ATP6V1H: variants seen among roughly 807,000 people sequenced by gnomAD.
ATP6V1H encodes ATPase H+ transporting V1 subunit H.
A neutral mutation model predicts 71.7 loss-of-function variants in ATP6V1H; 39 were observed. The observed-to-expected ratio is 0.54, with a 90% CI of 0.42 to 0.71. The LOEUF (loss-of-function observed/expected upper bound fraction) is 0.71, where lower values mean the gene tolerates loss of function less well. Ranked by LOEUF, ATP6V1H falls within the 30% of genes least tolerant of loss-of-function variation. ATP6V1H has a pLI of 0.00. For synonymous variants in ATP6V1H, 192 were observed against 199.3 expected, an observed-to-expected ratio of 0.96 and a Z score of 0.31; for missense variants, 509 against 594.9, an observed-to-expected ratio of 0.86 and a Z score of 1.50.
chr8:53,718,251 C>A (rs1354611540), intron 13 of ATP6V1H, among the ~76,000 whole-genome samples: 1 of 152,220 alleles, frequency 6.6e-6, no homozygotes, highest in Non-Finnish European at 1.5e-5. Flanking sequence ...GACAGTAAAA[C>A]CTAGCACAGG....
chr8:53,813,708 T>A (rs1012224231), intron 6 of ATP6V1H, among the ~76,000 whole-genome samples: 2 of 152,154 alleles, frequency 1.3e-5, no homozygotes, highest in Non-Finnish European at 2.9e-5. Flanking sequence ...TTTTGCCCTG[T>A]TCTGAGGAAA....
intron 12 of ATP6V1H, among the ~76,000 whole-genome samples, chr8:53,753,447 T>C (rs1401953167): frequency 6.6e-6 from 1 of 152,180 alleles, no homozygotes; most frequent in African/African-American, 2.4e-5. Context: ...AACAGGGCAG[T>C]AGAGCAGAAT....
intron 4 of ATP6V1H, among the ~76,000 whole-genome samples, chr8:53,822,538 GACAGAAAA>G (rs1360018949): frequency 2.0e-5 from 3 of 151,910 alleles, no homozygotes; most frequent in African/African-American, 7.2e-5. Flanking sequence ...CAACAGAACA[GACAGAAAA>G]CTTCCTAAAT....
chr8:53,777,396 T>A (rs772086455), intron 9 of ATP6V1H, among the ~76,000 whole-genome samples: 3 of 151,204 alleles, frequency 2.0e-5, no homozygotes, highest in African/African-American at 7.3e-5. Flanking sequence ...ACGATGGAGA[T>A]GATTTTGCTG....
chr8:53,801,579 A>T (rs1474562066), intron 8 of ATP6V1H, among the ~76,000 whole-genome samples: 2 of 152,210 alleles, frequency 1.3e-5, no homozygotes, highest in African/African-American at 4.8e-5. Context: ...GTTAAGCATT[A>T]GGTTCTTAAG....
chr8:53,764,338 A>G (rs1808375205), intron 11 of ATP6V1H, among the ~76,000 whole-genome samples: 1 of 152,220 alleles, frequency 6.6e-6, no homozygotes. Flanking sequence ...ACTATGACCA[A>G]ACAGGATTGA....
chr8:53,760,557 C>T (rs900700215), intron 11 of ATP6V1H, among the ~76,000 whole-genome samples: 6 of 152,098 alleles, frequency 3.9e-5, no homozygotes, highest in Admixed American at 2.6e-4. Context: ...TTTAATAAGC[C>T]TTCACTTCTG....
chr8:53,762,942 C>T (rs949052010), intron 11 of ATP6V1H, among the ~76,000 whole-genome samples: 18 of 152,212 alleles, frequency 1.2e-4, no homozygotes, highest in Non-Finnish European at 2.4e-4. Flanking sequence ...CAATGATCCA[C>T]TTCCACTTAA....
intron 2 of ATP6V1H, among the ~76,000 whole-genome samples, chr8:53,834,329 T>C (rs1011935421): frequency 3.9e-5 from 6 of 152,210 alleles, no homozygotes; most frequent in African/African-American, 1.4e-4. Flanking sequence ...GAAAAAGCAC[T>C]CGCTGTATAT....
At chr8:53,770,583 G>C (rs988381416) in intron 10 of ATP6V1H, among the ~76,000 whole-genome samples, 2 of 152,174 alleles carry the variant, frequency 1.3e-5, no homozygotes, top group African/African-American at 4.8e-5. Context: ...GGGCCAGTTA[G>C]TATAAGAAGT....
At chr8:53,760,856 A>G (rs1486824681) in intron 11 of ATP6V1H, among the ~76,000 whole-genome samples, 1 of 152,188 alleles carries the variant, frequency 6.6e-6, no homozygotes, top group Non-Finnish European at 1.5e-5. Flanking sequence ...TAAAACAGAA[A>G]TCAGCTACAC....
intron 7 of ATP6V1H, among the ~76,000 whole-genome samples, chr8:53,807,672 G>A (rs1810129757): frequency 6.6e-6 from 1 of 152,178 alleles, no homozygotes. Flanking sequence ...GACTGTTAAT[G>A]TGTACAGGGT....
At chr8:53,783,497 T>G (rs940883246) in intron 9 of ATP6V1H, among the ~76,000 whole-genome samples, 1 of 152,230 alleles carries the variant, frequency 6.6e-6, no homozygotes, top group South Asian at 2.1e-4. Flanking sequence ...AGCCAGCTCC[T>G]GGATTCATTG....
At chr8:53,758,834 T>C (rs1223818617) in intron 11 of ATP6V1H, among the ~76,000 whole-genome samples, 1 of 152,278 alleles carries the variant, frequency 6.6e-6, no homozygotes, top group East Asian at 1.9e-4. Context: ...GTTTACTTGG[T>C]GTCCATAGCT....
intron 13 of ATP6V1H, among the ~76,000 whole-genome samples, chr8:53,723,646 C>T (rs1453654688): frequency 6.6e-6 from 1 of 152,208 alleles, no homozygotes; most frequent in Non-Finnish European, 1.5e-5. Context: ...GGGTGAGGAT[C>T]TCCCTACCTG....
chr8:53,730,821 C>T (rs1585723632), intron 13 of ATP6V1H, among the ~76,000 whole-genome samples: 2 of 152,092 alleles, frequency 1.3e-5, no homozygotes, highest in East Asian at 3.9e-4. Flanking sequence ...TTCCCTTTTC[C>T]ACCTCAACCA....
At chr8:53,745,877 C>T (rs1377656751) in intron 12 of ATP6V1H, among the ~76,000 whole-genome samples, 20 of 152,346 alleles carry the variant, frequency 1.3e-4, no homozygotes, top group Admixed American at 1.2e-3. Flanking sequence ...CACCACTCTA[C>T]ACATGTCCAT....
chr8:53,763,605 T>G (rs1161373266), intron 11 of ATP6V1H, among the ~76,000 whole-genome samples: 1 of 152,226 alleles, frequency 6.6e-6, no homozygotes, highest in Admixed American at 6.5e-5. Flanking sequence ...GGGACCCAGA[T>G]AGCCAAAATC....
At chr8:53,760,420 C>T (rs1233977910) in intron 11 of ATP6V1H, among the ~76,000 whole-genome samples, 2 of 152,140 alleles carry the variant, frequency 1.3e-5, no homozygotes, top group Non-Finnish European at 2.9e-5. Context: ...AAATGGAAAC[C>T]CCGGAACTAT....
Sources: gnomAD v4.1 joint callset for allele counts (sites outside exome capture counted in the v4.1 genomes callset) on GRCh38, gnomAD v4.1.1 for gene constraint, MANE v1.5 for transcripts, NCBI Gene and HGNC (gene_info 2026-07-23, HGNC 2026-07-21) for gene names.